ASXL2: variants seen among roughly 807,000 people sequenced by gnomAD.
ASXL2 encodes ASXL transcriptional regulator 2.
In ASXL2, 23 loss-of-function variants were observed where a neutral mutation model predicts 122.0. That is an observed-to-expected ratio of 0.19 (90% confidence interval 0.14 to 0.27). The LOEUF (loss-of-function observed/expected upper bound fraction) is 0.27, where lower values mean the gene tolerates loss of function less well. Ranked by LOEUF, ASXL2 falls within the 10% of genes least tolerant of loss-of-function variation. The pLI, the probability that ASXL2 is intolerant of heterozygous loss-of-function variation, is 1.00. For synonymous variants in ASXL2, 650 were observed against 637.0 expected (o/e 1.02, Z -0.31); for missense variants, 1,518 against 1,713.8 (o/e 0.89, Z 2.02).
chr2:25,780,575 A>T (rs1022261975), intron 5 of ASXL2, among the ~76,000 whole-genome samples: 1 of 152,194 alleles, frequency 6.6e-6, no homozygotes, highest in Admixed American at 6.6e-5. Flanking sequence ...GATACTCTGA[A>T]GTGAGGCCCA....
chr2:25,749,562 G>C, intron 12 of ASXL2, 134 bp downstream of exon 12: 1 of 682,104 alleles, frequency 1.5e-6, no homozygotes, highest in South Asian at 2.8e-5. Context: ...TAAGACCATA[G>C]TTACATATTT....
chr2:25,743,650 A>G lies in ASXL2; in HGVS notation c.2687T>C (p.Leu896Ser), dbSNP rs199600413. 8.7e-5 allele frequency: 140 copies of G among 1,614,008 alleles called. No homozygotes were observed. The highest frequency in any genetic ancestry group is 1.6e-4 in the African/African-American group (12 of 75,042). Reference sequence around the variant, plus strand: ...GACCTGGGGTACAGGAAGCTTTTCTAAAGTGGCTGTGGTCAATAAAGATGT... The same window carrying G: ...GACCTGGGGTACAGGAAGCTTTTCTGAAGTGGCTGTGGTCAATAAAGATGT... ...PLTSLLTTAT[L>S]EKLPVPQVSA... The change falls in exon 13 of 13, where the codon TTA becomes TCA. Residue 896 changes from leucine (L) to serine (S), a missense_variant. By Grantham distance (145) the Leu-to-Ser change is moderately radical (BLOSUM62 -2). Coordinates refer to ENST00000435504, the MANE Select transcript of ASXL2 (RefSeq NM_018263.6).
At chr2:25,858,998 G>C (rs562340657) in intron 1 of ASXL2, among the ~76,000 whole-genome samples, 15 of 150,994 alleles carry the variant, frequency 9.9e-5, no homozygotes, top group African/African-American at 3.6e-4. Context: ...ATTTTTAGTA[G>C]AGACGGGGTT....
At chr2:25,791,810 G>A (rs2088838721) in intron 5 of ASXL2, among the ~76,000 whole-genome samples, 1 of 152,142 alleles carries the variant, frequency 6.6e-6, no homozygotes, top group Non-Finnish European at 1.5e-5. Flanking sequence ...GTCATAACAT[G>A]ATAAATATAA....
At chr2:25,868,803 A>G (rs2089931029) in intron 1 of ASXL2, among the ~76,000 whole-genome samples, 1 of 152,134 alleles carries the variant, frequency 6.6e-6, no homozygotes, top group African/African-American at 2.4e-5. Context: ...CCAATAGGAG[A>G]GGACTGCTTG....
chr2:25,743,175 G>A lies in ASXL2; in HGVS notation c.3162C>T (p.Tyr1054=), dbSNP rs1475770803. 6.2e-7 allele frequency: 1 copy of A among 1,613,874 alleles called. No homozygotes were observed. The highest frequency in any genetic ancestry group is 1.3e-5 in the African/African-American group (1 of 74,914). Residue 1054 remains tyrosine, a synonymous_variant, in exon 13 of 13, where the codon TAC becomes TAT. Transcript: ENST00000435504. ...LRDSSIDTHQ[Y]HEGLSKATQD... ...GGGTTGCTTTACTTAGTCCTTCGTG[G>A]TATTGGTGTGTGTCAATGCTGGAGT... is the stretch of plus-strand genomic sequence containing the variant.
chr2:25,831,633 A>AGTTTGAG (rs2089452071), intron 3 of ASXL2, among the ~76,000 whole-genome samples: 1 of 152,222 alleles, frequency 6.6e-6, no homozygotes, highest in African/African-American at 2.4e-5. Flanking sequence ...CAGCCTGGGC[A>AGTTTGAG]ACAAAATGAG....
intron 5 of ASXL2, among the ~76,000 whole-genome samples, chr2:25,782,692 C>T (rs946740996): frequency 6.6e-6 from 1 of 152,146 alleles, no homozygotes; most frequent in Non-Finnish European, 1.5e-5. Flanking sequence ...TCAGTTATAA[C>T]GTTAAAGAGA....
chr2:25,773,704 T>C (rs2088499677), intron 5 of ASXL2, among the ~76,000 whole-genome samples: 1 of 151,218 alleles, frequency 6.6e-6, no homozygotes, highest in Admixed American at 6.6e-5. Flanking sequence ...CAGTATACTT[T>C]GATACTGACC....
Position 25,742,248 on chromosome 2 carries a change from A to G in ASXL2, c.4089T>C (p.Thr1363=), listed in dbSNP as rs548047376. 78 of 1,614,004 alleles carry G rather than the reference A, an allele frequency of 4.8e-5. No individual in the cohort carries two copies. The East Asian group carries it at 1.7e-3, about 35-fold the overall frequency. The change falls in exon 13 of 13, where the codon ACT becomes ACC. Residue 1363 remains threonine, a synonymous_variant. Coordinates refer to ENST00000435504, the MANE Select transcript of ASXL2 (RefSeq NM_018263.6). ...NVGDVMSFSV[T]VTTIPASQAM... is the part of the protein sequence containing the mutation. ...CTTGGCTAGCAGGGATGGTAGTGAC[A>G]GTCACTGAAAATGACATGACATCAC...
intron 5 of ASXL2, among the ~76,000 whole-genome samples, chr2:25,784,125 G>A (rs2088697216): frequency 6.6e-6 from 1 of 151,390 alleles, no homozygotes; most frequent in African/African-American, 2.4e-5. Flanking sequence ...GCGGTGGCGT[G>A]CTGTAGTCCC....
rs753079173 is a variant in ASXL2 at position 25,742,895 on chromosome 2, C to A, written c.3442G>T (p.Asp1148Tyr). 1.9e-6 allele frequency: 3 copies of A among 1,613,878 alleles called. No homozygotes were observed. The African/African-American group carries it at 4.0e-5, about 22-fold the overall frequency. Reference sequence around the variant, plus strand: ...GTGGGGCTGCTTAGACAAAAACGATCTTCAGGGTTTACAGAATGGGTCCTC... The same window carrying A: ...GTGGGGCTGCTTAGACAAAAACGATATTCAGGGTTTACAGAATGGGTCCTC... ...FRRTHSVNPE[D>Y]RFCLSSPTEA... The change falls in exon 13 of 13, where the codon GAT becomes TAT. Residue 1148 changes from aspartate to tyrosine, a missense_variant. Asp to Tyr is a radical substitution (Grantham distance 160). Coordinates refer to ENST00000435504, the MANE Select transcript of ASXL2 (RefSeq NM_018263.6).
Position 25,743,727 on chromosome 2 carries a change from G to C in ASXL2, c.2610C>G (p.Ala870=), listed in dbSNP as rs746741428. ...GPSKNIPNPS[A]SSKTDASVPV... is the part of the protein sequence containing the mutation. ...GCACACTAGCATCTGTCTTTGATGA[G>C]GCTGAAGGGTTAGGTATATTCTTAC... is the stretch of plus-strand genomic sequence containing the variant. The change falls in exon 13 of 13, where the codon GCC becomes GCG. Residue 870 remains alanine, a synonymous_variant. Coordinates refer to ENST00000435504, the MANE Select transcript of ASXL2 (RefSeq NM_018263.6). 1.2e-6 allele frequency: 2 copies of C among 1,613,982 alleles called. No homozygotes were observed. Among genetic ancestry groups the C allele is most frequent in the Admixed American group, 3.3e-5 (2 of 60,024 alleles).
intron 5 of ASXL2, among the ~76,000 whole-genome samples, chr2:25,797,217 C>T (rs966649035): frequency 1.3e-5 from 2 of 152,146 alleles, no homozygotes; most frequent in Non-Finnish European, 2.9e-5. Flanking sequence ...GAGGCCAAGG[C>T]GGGTGGATCA....
intron 5 of ASXL2, among the ~76,000 whole-genome samples, chr2:25,796,538 C>T (rs2088912906): frequency 6.6e-6 from 1 of 152,206 alleles, no homozygotes; most frequent in Non-Finnish European, 1.5e-5. Flanking sequence ...CTGGAAAATC[C>T]ATTCCAGGGA....
intron 7 of ASXL2, 51 bp from the exon 8 acceptor site, chr2:25,767,777 G>A: frequency 6.3e-7 from 1 of 1,583,172 alleles, no homozygotes; most frequent in Non-Finnish European, 8.6e-7. Context: ...ATTATAGACA[G>A]AATCAATTAA....
intron 3 of ASXL2, chr2:25,830,722 T>C (rs1018094455): frequency 2.0e-5 from 3 of 150,458 alleles, no homozygotes; most frequent in African/African-American, 7.3e-5. Flanking sequence ...AACAAACATA[T>C]AGAAAATATC....
chr2:25,867,023 C>T (rs952591410), intron 1 of ASXL2, among the ~76,000 whole-genome samples: 1 of 152,182 alleles, frequency 6.6e-6, no homozygotes, highest in Non-Finnish European at 1.5e-5. Flanking sequence ...GCCTCAGCCT[C>T]CCAAGTAGCT....
At position 25,773,337 on chromosome 2, in the gene ASXL2, G is replaced by A. The variant is rs143184757; in HGVS notation, c.404-1797C>T. Among the ~76,000 whole-genome samples, 17 of 152,110 alleles carry A rather than the reference G, an allele frequency of 1.1e-4. No individual in the cohort carries two copies. The East Asian group carries it at 3.3e-3, about 29-fold the overall frequency. ...AAAAAGCTTGATGTTTAAAAATGGA[G>A]TTGAATAATTCAAGACAGTTCAGCT... On this transcript the variant is annotated intron_variant, in intron 5 of 12. Transcript: ENST00000435504.
Sources: allele counts gnomAD v4.1 joint callset (sites outside exome capture counted in the v4.1 genomes callset), GRCh38; gene constraint gnomAD v4.1.1; transcripts MANE v1.5; gene names NCBI Gene and HGNC (gene_info 2026-07-23, HGNC 2026-07-21).